The following DNAH10 variants were observed in gnomAD, a reference collection of about 807,000 sequenced individuals.
The protein encoded by DNAH10 is axonemal beta dynein heavy chain 10.
DNAH10 carries 348 observed loss-of-function variants against 506.6 expected under a neutral mutation model. The observed-to-expected ratio is 0.69, with a 90% CI of 0.63 to 0.75. The LOEUF (loss-of-function observed/expected upper bound fraction) is 0.75. Ranked by LOEUF, DNAH10 falls within the 30% of genes least tolerant of loss-of-function variation. The pLI is 0.00. For synonymous variants in DNAH10, 2,059 were observed against 2,198.6 expected (o/e 0.94, Z 1.78); for missense variants, 5,179 against 5,787.1 (o/e 0.89, Z 3.41).
At chr12:123,882,519 G>A (rs1006056741) in intron 51 of DNAH10, among the ~76,000 whole-genome samples, 13 of 152,144 alleles carry the variant, frequency 8.5e-5, no homozygotes, top group South Asian at 2.1e-4. Context: ...TCGGCCGGGC[G>A]TGGTGGCTCA....
intron 53 of DNAH10, among the ~76,000 whole-genome samples, chr12:123,893,742 G>T (rs1953094365): frequency 6.6e-6 from 1 of 152,158 alleles, no homozygotes; most frequent in South Asian, 2.1e-4. Flanking sequence ...CCAGCCTTTA[G>T]AGCAGAGGTT....
intron 8 of DNAH10, among the ~76,000 whole-genome samples, chr12:123,784,531 A>G (rs1957778643): frequency 6.6e-6 from 1 of 152,192 alleles, no homozygotes; most frequent in African/African-American, 2.4e-5. Flanking sequence ...TGGGCAACAT[A>G]GCGAGACCCT....
chr12:123,862,564 T>C (rs975808839), intron 39 of DNAH10, among the ~76,000 whole-genome samples: 4 of 151,770 alleles, frequency 2.6e-5, no homozygotes, highest in African/African-American at 9.7e-5. Flanking sequence ...TAATTTTTGC[T>C]TTTTTTTGTA....
intron 4 of DNAH10, among the ~76,000 whole-genome samples, chr12:123,773,336 T>G (rs771455712): frequency 6.6e-6 from 1 of 152,252 alleles, no homozygotes; most frequent in African/African-American, 2.4e-5. Flanking sequence ...CAAATACATA[T>G]CAAATAAAAC....
Position 123,929,094 on chromosome 12 carries a change from C to G in DNAH10, c.12307-181C>G, listed in dbSNP as rs1030403257. The G allele has an allele frequency of 1.6e-5, 10 of 643,796 alleles. No homozygotes were observed. The African/African-American group carries it at 1.6e-4, about 11-fold the overall frequency. The allele number at this position is 643,796 out of a possible 1,614,324, so 39.9% of individuals were successfully genotyped here. Reference sequence around the variant, plus strand: ...GACTCTTGACCCTTGACCCTGAGAGCCAGAACATCTAGTCCTTTAACTTCT... The same window carrying G: ...GACTCTTGACCCTTGACCCTGAGAGGCAGAACATCTAGTCCTTTAACTTCT... On this transcript the variant is annotated intron_variant, in intron 70 of 78. Coordinates refer to ENST00000673944, the MANE Select transcript of DNAH10 (RefSeq NM_001372106.1).
intron 65 of DNAH10, among the ~76,000 whole-genome samples, chr12:123,921,340 C>T (rs1954712573): frequency 6.6e-6 from 1 of 152,238 alleles, no homozygotes; most frequent in African/African-American, 2.4e-5. Context: ...AAAACGTTCA[C>T]TGAAAGCCAT....
At chr12:123,828,453 C>T (rs1336961580) in intron 25 of DNAH10, among the ~76,000 whole-genome samples, 2 of 152,120 alleles carry the variant, frequency 1.3e-5, no homozygotes, top group Non-Finnish European at 2.9e-5. Flanking sequence ...TTATCTGAGG[C>T]TTGGACTGCT....
rs372941272 is a variant in DNAH10 at position 123,929,771 on chromosome 12, C to T, written c.12612+12C>T. 20 of 1,605,952 alleles carry T rather than the reference C, an allele frequency of 1.2e-5. No homozygotes were observed. Among genetic ancestry groups the T allele is most frequent in the African/African-American group, 6.7e-5 (5 of 74,736 alleles). On this transcript the variant is annotated intron_variant, in intron 72 of 78. Transcript: ENST00000673944. ...ACCTAATTGGAGAGGTAGGGGTGAC[C>T]GGGGATCCTTCCGCAGGTGCCTCTG...
chr12:123,842,228 C>G (rs1950800698), intron 30 of DNAH10, among the ~76,000 whole-genome samples: 1 of 152,204 alleles, frequency 6.6e-6, no homozygotes, highest in African/African-American at 2.4e-5. Flanking sequence ...GAACCCCTGA[C>G]TTAGTGAACC....
intron 45 of DNAH10, among the ~76,000 whole-genome samples, chr12:123,872,395 A>G (rs1048779608): frequency 6.6e-6 from 1 of 152,104 alleles, no homozygotes; most frequent in African/African-American, 2.4e-5. Flanking sequence ...GGAGTCAGGC[A>G]CTAGGAAGCC....
rs373058539 is a variant in DNAH10, at chr12:123,875,248, G to T, written c.7956G>T (p.Thr2652=). 1.2e-6 allele frequency: 2 copies of T among 1,610,502 alleles called. No homozygotes were observed. Among genetic ancestry groups the T allele is most frequent in the Admixed American group, 1.7e-5 (1 of 59,370 alleles). The change falls in exon 47 of 79, where the codon ACG becomes ACT. Residue 2652 remains threonine, a synonymous_variant. Coordinates refer to ENST00000673944, the MANE Select transcript of DNAH10 (RefSeq NM_001372106.1). ...AAATCAAGGTGGATGAATATGGCAC[G>T]CAGCAGCCCATTGCCTTGCTGAAGC... ...MNMPRVDEYG[T]QQPIALLKLL...
chr12:123,820,807 T>G, intron 24 of DNAH10, 49 bp downstream of exon 24: 1 of 1,592,838 alleles, frequency 6.3e-7, no homozygotes, highest in East Asian at 2.2e-5. Flanking sequence ...GAAGGGGATG[T>G]AGGAATTACT....
chr12:123,767,651 CTT>C lies in DNAH10; in HGVS notation c.261_262del (p.Tyr88PhefsTer9). 6.2e-7 allele frequency: 1 copy of C among 1,612,858 alleles called. No individual in the cohort carries two copies. The highest frequency in any genetic ancestry group is 1.3e-5 in the African/African-American group (1 of 75,022). ...GAAGAGGGAGAAGAGGAAGAAGAGACTTATTCTCAAAAAGTGGAGTCCGTGGA... is the reference window on the plus strand; with the variant it reads ...GAAGAGGGAGAAGAGGAAGAAGAGACATTCTCAAAAAGTGGAGTCCGTGGA... On this transcript the variant is annotated frameshift_variant, in exon 2 of 79. Transcript: ENST00000673944. LOFTEE classifies it high-confidence loss of function.
At position 123,853,965 on chromosome 12, in the gene DNAH10, A is replaced by C. The variant is rs575453628; in HGVS notation, c.6438+613A>C. On this transcript the variant is annotated intron_variant, in intron 36 of 78. Transcript: ENST00000673944. This position sits in a 1 kb window ranked among gnomAD's most constrained non-coding sequence, Gnocchi z 4.7. The stretch of plus-strand genomic sequence containing the variant: ...GCACACACACACACATTTGGGTAGT[A>C]AAAAAAAAACAGCCGTGAGTGCAGT... Among the ~76,000 whole-genome samples, 1 of 143,450 alleles carries C rather than the reference A, an allele frequency of 7.0e-6. No individual in the cohort carries two copies. Among genetic ancestry groups the C allele is most frequent in the Non-Finnish European group, 1.5e-5 (1 of 66,684 alleles). 94.1% of individuals were successfully genotyped at this position (143,450 alleles called of 152,430 possible).
At chr12:123,865,898 T>C in intron 40 of DNAH10, 53 bp from the exon 41 acceptor site, 1 of 1,498,084 alleles carries the variant, frequency 6.7e-7, no homozygotes, top group Non-Finnish European at 8.9e-7. Flanking sequence ...CTTAAACATC[T>C]AGTTTATCTT....
Position 123,887,185 on chromosome 12 carries a change from T to G in DNAH10, c.8867T>G (p.Phe2956Cys). 6.2e-7 allele frequency: 1 copy of G among 1,613,072 alleles called. No individual in the cohort carries two copies. Among genetic ancestry groups the G allele is most frequent in the South Asian group, 1.1e-5 (1 of 90,732 alleles). Residue 2956 changes from phenylalanine to cysteine, a missense_variant, in exon 52 of 79, where the codon TTC (phenylalanine) becomes TGC (cysteine). By Grantham distance (205) the Phe-to-Cys change is radical. Transcript: ENST00000673944. Reference sequence around the variant, plus strand: ...AGCCGAGGCTACTCGGAGAACAGTTTCCGGGAAGACCTGAAGAGCCTCTAT... The same window carrying G: ...AGCCGAGGCTACTCGGAGAACAGTTGCCGGGAAGACCTGAAGAGCCTCTAT... ...LLSRGYSENS[F>C]REDLKSLYLK...
Position 123,850,835 on chromosome 12 carries a change from T to TGGCC in DNAH10, c.6103-46_6103-43dup. 6.4e-7 allele frequency: 1 copy of TGGCC among 1,557,196 alleles called. No individual in the cohort carries two copies. The highest frequency in any genetic ancestry group is 8.7e-7 in the Non-Finnish European group (1 of 1,150,130). On this transcript the variant is annotated intron_variant, in intron 34 of 78. Coordinates refer to ENST00000673944, the MANE Select transcript of DNAH10 (RefSeq NM_001372106.1). The surrounding 1 kb of genome is among the most constrained non-coding windows in gnomAD (Gnocchi z 5.5). ...GCCGCAGGCCCCCTTTCCAAGGGGC[T>TGGCC]GGCCGGCCGGGCCACCTAACTGCTT...
Position 123,859,246 on chromosome 12 carries a change from ACT to A in DNAH10, c.6730_6731del (p.Leu2244ValfsTer64), listed in dbSNP as rs770502617. The A allele has an allele frequency of 1.2e-5, 20 of 1,607,672 alleles. No individual in the cohort carries two copies. Among genetic ancestry groups the A allele is most frequent in the East Asian group, 4.5e-5 (2 of 44,472 alleles). ...TRGGKSVVIN[T>X]LCQAQTKLGL... ...AGGGGGCAAGTCCGTCGTCATTAAC[ACT>A]CTGTGTCAGGCCCAGACCAAGTGAG... is the stretch of plus-strand genomic sequence containing the variant. On this transcript the variant is annotated frameshift_variant, in exon 38 of 79. Transcript: ENST00000673944. LOFTEE classifies it high-confidence loss of function.
chr12:123,891,065 A>G (rs1036325587), intron 52 of DNAH10, among the ~76,000 whole-genome samples: 3 of 152,154 alleles, frequency 2.0e-5, no homozygotes, highest in Non-Finnish European at 4.4e-5. Context: ...CCAGGAGCCC[A>G]AGATCACGGT....
Sources: allele counts gnomAD v4.1 joint callset (sites outside exome capture counted in the v4.1 genomes callset), GRCh38; gene constraint gnomAD v4.1.1; non-coding constraint Gnocchi (gnomAD v3.1); transcripts MANE v1.5; gene names NCBI Gene and HGNC (gene_info 2026-07-23, HGNC 2026-07-21).